ANKFN1: variants seen among roughly 807,000 people sequenced by gnomAD.
The protein encoded by ANKFN1 is ankyrin repeat and fibronectin type-III domain-containing protein 1.
ANKFN1 carries 74 observed loss-of-function variants against 108.7 expected under a neutral mutation model. The observed-to-expected ratio is 0.68, with a 90% confidence interval of 0.56 to 0.83. The LOEUF is 0.83. Ranked by LOEUF, ANKFN1 falls within the 40% of genes least tolerant of loss-of-function variation. The pLI, the probability that ANKFN1 is intolerant of heterozygous loss-of-function variation, is 0.00. For synonymous variants in ANKFN1, 547 were observed against 516.2 expected, an observed-to-expected ratio of 1.06 and a Z score of -0.81; for missense variants, 1,505 against 1,382.3, an observed-to-expected ratio of 1.09 and a Z score of -1.41.
In ANKFN1 at chr17:56,448,323, A is replaced by G. The variant is rs145980985; in HGVS notation, c.1100-756A>G. Among the ~76,000 whole-genome samples the G allele has an allele frequency of 5.9e-3, 897 of 152,306 alleles. 7 individuals carry two copies. The highest frequency in any genetic ancestry group is 0.021 in the African/African-American group (852 of 41,560). ...AAGAGTTGGAGACAGCAGAATTACA[A>G]TCTTGACATTAGTCCCATATGGGTT... On this transcript the variant is annotated intron_variant, in intron 10 of 20. Coordinates refer to ENST00000682825, the MANE Select transcript of ANKFN1 (RefSeq NM_001370326.1).
At chr17:56,089,742 G>A (rs1254937919) in intron 4 of ANKFN1, among the ~76,000 whole-genome samples, 1 of 151,400 alleles carries the variant, frequency 6.6e-6, no homozygotes, top group African/African-American at 2.4e-5. Flanking sequence ...GAAGGCTCTA[G>A]GGTGTAATGG....
chr17:56,258,772 A>T (rs1489267615), intron 3 of ANKFN1, among the ~76,000 whole-genome samples: 1 of 151,986 alleles, frequency 6.6e-6, no homozygotes, highest in Non-Finnish European at 1.5e-5. Context: ...TTAGCCGGGC[A>T]TGGTGGCGGG....
chr17:56,134,958 G>T (rs571675415), intron 4 of ANKFN1, among the ~76,000 whole-genome samples: 1 of 152,100 alleles, frequency 6.6e-6, no homozygotes, highest in Non-Finnish European at 1.5e-5. Flanking sequence ...TTGAGTAGGG[G>T]CACTCTTTTT....
chr17:56,111,077 G>A (rs1030215882), intron 4 of ANKFN1: 2 of 152,292 alleles, frequency 1.3e-5, no homozygotes, highest in Non-Finnish European at 2.9e-5. Context: ...CAGGTTTTAG[G>A]GGTAGCTCTT....
chr17:56,174,101 G>C (rs867717901), intron 1 of ANKFN1: 2 of 879,038 alleles, frequency 2.3e-6, no homozygotes, highest in Non-Finnish European at 2.7e-6. Context: ...CCAAGAATCC[G>C]TGGGTCAGCT....
At chr17:56,383,193 C>A (rs2047157370) in intron 8 of ANKFN1, among the ~76,000 whole-genome samples, 1 of 152,140 alleles carries the variant, frequency 6.6e-6, no homozygotes, top group South Asian at 2.1e-4. Context: ...AACCAGACAA[C>A]TACATGGAAA....
At chr17:56,157,754 A>C (rs2143479579) in intron 1 of ANKFN1, among the ~76,000 whole-genome samples, 1 of 152,330 alleles carries the variant, frequency 6.6e-6, no homozygotes, top group East Asian at 1.9e-4. Flanking sequence ...TCAAGGTTTT[A>C]ATCTAGGGCT....
intron 8 of ANKFN1, among the ~76,000 whole-genome samples, chr17:56,389,221 G>A (rs966795273): frequency 6.6e-6 from 1 of 152,094 alleles, no homozygotes; most frequent in Non-Finnish European, 1.5e-5. Context: ...ATACTACTCA[G>A]CAACTAAAAA....
chr17:56,075,260 A>C (rs1905167809), intron 4 of ANKFN1, among the ~76,000 whole-genome samples: 1 of 152,118 alleles, frequency 6.6e-6, no homozygotes, highest in Non-Finnish European at 1.5e-5. Context: ...CCCTAGCTTC[A>C]TTTTCCTTCT....
At chr17:56,242,780 G>A (rs1004299286) in intron 3 of ANKFN1, among the ~76,000 whole-genome samples, 2 of 151,924 alleles carry the variant, frequency 1.3e-5, no homozygotes, top group Non-Finnish European at 2.9e-5. Context: ...TTCACAGTTA[G>A]GAATAATGTG....
chr17:56,376,509 A>G (rs145238336), intron 8 of ANKFN1, among the ~76,000 whole-genome samples: 2 of 152,254 alleles, frequency 1.3e-5, no homozygotes, highest in African/African-American at 4.8e-5. Flanking sequence ...TTAGATATGG[A>G]CGTTTTCTTT....
At chr17:56,247,198 T>G (rs560422012) in intron 3 of ANKFN1, among the ~76,000 whole-genome samples, 192 of 152,318 alleles carry the variant, frequency 1.3e-3, no homozygotes, top group South Asian at 3.1e-3. Flanking sequence ...TGCCGTGAAA[T>G]CTGATTGGCA....
At chr17:56,395,867 G>C (rs777461266) in intron 8 of ANKFN1, among the ~76,000 whole-genome samples, 6 of 151,958 alleles carry the variant, frequency 3.9e-5, no homozygotes, top group East Asian at 1.9e-4. Context: ...AAACAAAGGT[G>C]GGGGGAAGCA....
At chr17:56,357,434 A>G (rs926143461) in intron 6 of ANKFN1, among the ~76,000 whole-genome samples, 1 of 152,234 alleles carries the variant, frequency 6.6e-6, no homozygotes, top group Admixed American at 6.5e-5. Context: ...TAGGATGCCA[A>G]CACCTGGAAT....
chr17:56,331,748 A>G (rs2045669420), intron 4 of ANKFN1, among the ~76,000 whole-genome samples: 2 of 152,196 alleles, frequency 1.3e-5, no homozygotes, highest in Non-Finnish European at 2.9e-5. Flanking sequence ...ATTTCCTCAG[A>G]TAATTATTAT....
intron 4 of ANKFN1, among the ~76,000 whole-genome samples, chr17:56,124,088 G>T (rs1304618240): frequency 1.3e-5 from 2 of 152,054 alleles, no homozygotes; most frequent in Non-Finnish European, 2.9e-5. Context: ...CAAACTCTAA[G>T]GTCCATGTAA....
At chr17:56,202,231 T>C (rs2143762219) in intron 1 of ANKFN1, among the ~76,000 whole-genome samples, 1 of 152,282 alleles carries the variant, frequency 6.6e-6, no homozygotes, top group East Asian at 1.9e-4. Flanking sequence ...TAATCAGCAA[T>C]AGTATCACAT....
chr17:56,366,015 C>G (rs1242205466), intron 6 of ANKFN1, among the ~76,000 whole-genome samples: 2 of 152,172 alleles, frequency 1.3e-5, no homozygotes, highest in Non-Finnish European at 2.9e-5. Flanking sequence ...TAAAAGATGA[C>G]AGCTCTATGC....
intron 3 of ANKFN1, among the ~76,000 whole-genome samples, chr17:56,235,009 G>A (rs1475447750): frequency 6.6e-6 from 1 of 151,872 alleles, no homozygotes; most frequent in Non-Finnish European, 1.5e-5. Context: ...ACCTTGCCAG[G>A]ATCTGTTATT....
Sources: allele counts gnomAD v4.1 joint callset (sites outside exome capture counted in the v4.1 genomes callset), GRCh38; gene constraint gnomAD v4.1.1; transcripts MANE v1.5; gene names NCBI Gene and HGNC (gene_info 2026-07-23, HGNC 2026-07-21).